The following TRPC4 variants were observed in gnomAD, a reference collection of about 807,000 sequenced individuals.
The protein encoded by TRPC4 is transient receptor potential cation channel subfamily C member 4.
TRPC4 carries 49 observed loss-of-function variants against 99.4 expected under a neutral mutation model. That is an observed-to-expected ratio of 0.49 (90% CI 0.39 to 0.63). The LOEUF (loss-of-function observed/expected upper bound fraction) is 0.63, where lower values mean the gene tolerates loss of function less well. TRPC4 is among the 20% of genes least tolerant of loss of function. The pLI is 0.00. For missense variants in TRPC4, 898 were observed against 1,152.9 expected, an observed-to-expected ratio of 0.78 and a Z score of 3.20; for synonymous variants, 454 against 425.9, an observed-to-expected ratio of 1.07 and a Z score of -0.81.
At chr13:37,651,212 T>C in intron 8 of TRPC4, 53 bp downstream of exon 8, 1 of 1,594,668 alleles carries the variant, frequency 6.3e-7, no homozygotes, top group Non-Finnish European at 8.6e-7. Flanking sequence ...AATACAAATA[T>C]ATTCAAATAC....
At chr13:37,770,328 G>A (rs1956515372) in intron 2 of TRPC4, among the ~76,000 whole-genome samples, 1 of 151,468 alleles carries the variant, frequency 6.6e-6, no homozygotes, top group South Asian at 2.1e-4. Flanking sequence ...TGTATTAGGA[G>A]AATGGGGTGA....
At chr13:37,697,267 A>G (rs1386383772) in intron 3 of TRPC4, among the ~76,000 whole-genome samples, 1 of 152,190 alleles carries the variant, frequency 6.6e-6, no homozygotes, top group Non-Finnish European at 1.5e-5. Flanking sequence ...CTCAAAATAC[A>G]TTGGGACTAA....
chr13:37,656,344 G>A (rs1342836028), intron 6 of TRPC4, among the ~76,000 whole-genome samples: 2 of 152,170 alleles, frequency 1.3e-5, no homozygotes, highest in African/African-American at 4.8e-5. Context: ...TACACGGCAT[G>A]ATGACTAAGG....
chr13:37,690,745 A>C (rs1444303257), intron 4 of TRPC4, among the ~76,000 whole-genome samples: 1 of 152,206 alleles, frequency 6.6e-6, no homozygotes, highest in Admixed American at 6.5e-5. Context: ...TTTCTTATTG[A>C]CAATACTTAA....
rs370312909 is a variant in TRPC4, at chr13:37,655,312, G to T, written c.1689-29C>A. 4.6e-5 allele frequency: 62 copies of T among 1,357,992 alleles called. No individual in the cohort carries two copies. In the African/African-American group the frequency reaches 7.3e-4, roughly 16 times the overall value. 84.1% of individuals were successfully genotyped at this position (1,357,992 alleles called of 1,614,324 possible). On this transcript the variant is annotated intron_variant, in intron 6 of 10. Coordinates refer to ENST00000379705, the MANE Select transcript of TRPC4 (RefSeq NM_016179.4). ...TAATAAAGATAAAATGATACTAATA[G>T]CTATATTAATGGAATCATTATACAT...
At chr13:37,773,325 A>T (rs974794788) in intron 2 of TRPC4, among the ~76,000 whole-genome samples, 2 of 151,802 alleles carry the variant, frequency 1.3e-5, no homozygotes, top group Non-Finnish European at 2.9e-5. Flanking sequence ...TCTGAGCCGC[A>T]ATTTTTTTAT....
rs954420585 is a variant in TRPC4, at chr13:37,634,927, C to T, written c.*1976G>A. ...TTTCTCCAAATCTATCTGGCCCATT[C>T]CTAAATTCCCAAAAACCAGGTTTAG... On this transcript the variant is annotated 3_prime_UTR_variant, in exon 11 of 11. Transcript: ENST00000379705. Among the ~76,000 whole-genome samples the T allele has an allele frequency of 6.6e-6, 1 of 152,018 alleles. No individual in the cohort carries two copies. Among genetic ancestry groups the T allele is most frequent in the Non-Finnish European group, 1.5e-5 (1 of 67,994 alleles).
chr13:37,745,665 A>G lies in TRPC4; in HGVS notation c.897+272T>C, dbSNP rs2139161599. 2.0e-5 allele frequency among the ~76,000 whole-genome samples: 3 copies of G among 151,716 alleles called. No individual in the cohort carries two copies. In the South Asian group the frequency reaches 6.2e-4, roughly 32 times the overall value. On this transcript the variant is annotated intron_variant, in intron 3 of 10. Coordinates refer to ENST00000379705, the MANE Select transcript of TRPC4 (RefSeq NM_016179.4). ...TATAAATAGCAGAGCCAGAAATCTC[A>G]GTCTGGACATACTAAAATTCATTAG...
At chr13:37,747,055 A>T (rs1238642258) in intron 2 of TRPC4, among the ~76,000 whole-genome samples, 1 of 152,140 alleles carries the variant, frequency 6.6e-6, no homozygotes, top group African/African-American at 2.4e-5. Context: ...TTTCCAGATG[A>T]CAAGAGGTGC....
In TRPC4 at chr13:37,632,672, G is replaced by T. The variant is rs1951421125; in HGVS notation, c.*4231C>A. Among the ~76,000 whole-genome samples, 1 of 152,160 alleles carries T rather than the reference G, an allele frequency of 6.6e-6. No homozygotes were observed. Among genetic ancestry groups the T allele is most frequent in the Admixed American group, 6.6e-5 (1 of 15,266 alleles). On this transcript the variant is annotated 3_prime_UTR_variant, in exon 11 of 11. Transcript: ENST00000379705. ...CATTGTCCATCTCTAATGTTTTTCAGTTGAGAAGCTTTGATATAATTTAAT... is the reference window on the plus strand; with the variant it reads ...CATTGTCCATCTCTAATGTTTTTCATTTGAGAAGCTTTGATATAATTTAAT...
intron 1 of TRPC4, among the ~76,000 whole-genome samples, chr13:37,832,406 C>T (rs562775157): frequency 1.1e-4 from 16 of 151,882 alleles, no homozygotes; most frequent in South Asian, 2.1e-4. Flanking sequence ...ATTAGCTGGG[C>T]GGTGCACCTG....
chr13:37,757,701 A>G (rs1429234771), intron 2 of TRPC4, among the ~76,000 whole-genome samples: 1 of 151,944 alleles, frequency 6.6e-6, no homozygotes, highest in African/African-American at 2.4e-5. Flanking sequence ...GATCTGGGGA[A>G]AGATCCAGAA....
chr13:37,656,596 A>G (rs945351690), intron 6 of TRPC4, among the ~76,000 whole-genome samples: 1 of 152,186 alleles, frequency 6.6e-6, no homozygotes, highest in Non-Finnish European at 1.5e-5. Context: ...GGCCTGTGGC[A>G]TGCATTAAGG....
rs1426980832 is a variant in TRPC4 at position 37,635,661 on chromosome 13, T to C, written c.*1242A>G. ...AAGAAACTTCCCGTAGTGGCTTAAATAGACACAAGCAATGTAAAATTTAAG... is the reference window on the plus strand; with the variant it reads ...AAGAAACTTCCCGTAGTGGCTTAAACAGACACAAGCAATGTAAAATTTAAG... On this transcript the variant is annotated 3_prime_UTR_variant, in exon 11 of 11. Coordinates refer to ENST00000379705, the MANE Select transcript of TRPC4 (RefSeq NM_016179.4). Among the ~76,000 whole-genome samples the C allele has an allele frequency of 6.6e-6, 1 of 152,146 alleles. No homozygotes were observed. The highest frequency in any genetic ancestry group is 1.5e-5 in the Non-Finnish European group (1 of 67,998).
intron 1 of TRPC4, among the ~76,000 whole-genome samples, chr13:37,855,462 C>A (rs1335373737): frequency 6.6e-6 from 1 of 151,528 alleles, no homozygotes; most frequent in African/African-American, 2.4e-5. Context: ...ACTTTTGGCA[C>A]TGGACAGACC....
At chr13:37,843,973 C>T (rs920964670) in intron 1 of TRPC4, among the ~76,000 whole-genome samples, 1 of 152,196 alleles carries the variant, frequency 6.6e-6, no homozygotes, top group Non-Finnish European at 1.5e-5. Context: ...GGCACAGGAA[C>T]ACACACTAAG....
At chr13:37,824,650 T>C (rs1958142938) in intron 1 of TRPC4, among the ~76,000 whole-genome samples, 1 of 152,180 alleles carries the variant, frequency 6.6e-6, no homozygotes, top group Non-Finnish European at 1.5e-5. Flanking sequence ...ATAAGCTTTT[T>C]GATGTGCTGC....
At chr13:37,641,204 G>T (rs1473297044) in intron 8 of TRPC4, among the ~76,000 whole-genome samples, 1 of 152,030 alleles carries the variant, frequency 6.6e-6, no homozygotes, top group Non-Finnish European at 1.5e-5. Flanking sequence ...AAAGGTCAAA[G>T]ACTACATTTT....
At chr13:37,785,790 C>T (rs1556543) in intron 1 of TRPC4, among the ~76,000 whole-genome samples, 78,988 of 151,824 alleles carry the variant, frequency 0.52, 21,089 homozygotes, top group East Asian at 0.78. Flanking sequence ...AAGTACAGAA[C>T]GTCAGTGACA....
Sources: gnomAD v4.1 joint callset for allele counts (sites outside exome capture counted in the v4.1 genomes callset) on GRCh38, gnomAD v4.1.1 for gene constraint, MANE v1.5 for transcripts, NCBI Gene and HGNC (gene_info 2026-07-23, HGNC 2026-07-21) for gene names.